The following ADGRB3 variants were observed in gnomAD, a reference collection of about 807,000 sequenced individuals.
The protein encoded by ADGRB3 is brain-specific angiogenesis inhibitor 3.
ADGRB3 carries 37 observed loss-of-function variants against 193.4 expected under a neutral mutation model. That is an observed-to-expected ratio of 0.19 (90% confidence interval 0.15 to 0.25). The LOEUF (loss-of-function observed/expected upper bound fraction) is 0.25, where lower values mean the gene tolerates loss of function less well. Among genes scored for constraint, ADGRB3 ranks in the 10% least tolerant of loss-of-function variants. ADGRB3 has a pLI of 1.00. For synonymous variants in ADGRB3, 690 were observed against 644.2 expected (o/e 1.07, Z -1.08); for missense variants, 1,637 against 1,852.9 (o/e 0.88, Z 2.14).
At chr6:68,770,204 A>G (rs1766590135) in intron 3 of ADGRB3, among the ~76,000 whole-genome samples, 1 of 152,108 alleles carries the variant, frequency 6.6e-6, no homozygotes, top group African/African-American at 2.4e-5. Context: ...GGCACTCTGG[A>G]AGGAATACAT....
At chr6:68,785,666 A>G (rs1374331581) in intron 3 of ADGRB3, among the ~76,000 whole-genome samples, 4 of 152,120 alleles carry the variant, frequency 2.6e-5, no homozygotes, top group Non-Finnish European at 5.9e-5. Context: ...CTTTGTGTAT[A>G]TACACAGTAA....
At chr6:69,052,943 T>C (rs1771442441) in intron 15 of ADGRB3, among the ~76,000 whole-genome samples, 1 of 152,176 alleles carries the variant, frequency 6.6e-6, no homozygotes. Context: ...CCCAGCACTT[T>C]GGGAGGCCGA....
chr6:69,004,008 CT>C (rs1246578381), intron 11 of ADGRB3, among the ~76,000 whole-genome samples: 3 of 152,138 alleles, frequency 2.0e-5, no homozygotes, highest in Non-Finnish European at 4.4e-5. Flanking sequence ...CATGAGACTG[CT>C]AGTTTTACCT....
chr6:68,908,320 A>T (rs970117797), intron 3 of ADGRB3, among the ~76,000 whole-genome samples: 2 of 152,046 alleles, frequency 1.3e-5, no homozygotes, highest in African/African-American at 4.8e-5. Context: ...CACAATGACT[A>T]CCTTGTCTCC....
rs554604568 is a variant in ADGRB3 at position 68,936,822 on chromosome 6, A to T, written c.1030+142A>T. 22 of 973,644 alleles carry T rather than the reference A, an allele frequency of 2.3e-5. No homozygotes were observed. The South Asian group carries it at 4.9e-4, about 22-fold the overall frequency. 60.3% of individuals were successfully genotyped at this position (973,644 alleles called of 1,614,324 possible). On this transcript the variant is annotated intron_variant, in intron 5 of 31. Coordinates refer to ENST00000370598, the MANE Select transcript of ADGRB3 (RefSeq NM_001704.3). ...AGTGTAATTATTATTCAACTGTAAT[A>T]TTTTAAGATGTCTGTGATTATTTCT...
intron 6 of ADGRB3, among the ~76,000 whole-genome samples, chr6:68,945,988 C>G (rs1767766124): frequency 1.3e-5 from 2 of 151,992 alleles, no homozygotes; most frequent in Non-Finnish European, 2.9e-5. Flanking sequence ...TGCATTATGA[C>G]TATATTATTT....
chr6:68,975,956 A>G (rs750368822), intron 10 of ADGRB3, among the ~76,000 whole-genome samples: 9 of 152,194 alleles, frequency 5.9e-5, no homozygotes, highest in Admixed American at 2.0e-4. Flanking sequence ...TTGGTATTTT[A>G]CAAGTACAAG....
At chr6:68,760,257 A>G (rs1174887423) in intron 3 of ADGRB3, among the ~76,000 whole-genome samples, 3 of 152,170 alleles carry the variant, frequency 2.0e-5, no homozygotes, top group Admixed American at 1.3e-4. Flanking sequence ...ACAAACACAT[A>G]CACATACACA....
chr6:69,086,390 T>C (rs753049225), intron 17 of ADGRB3, among the ~76,000 whole-genome samples: 1 of 152,084 alleles, frequency 6.6e-6, no homozygotes, highest in African/African-American at 2.4e-5. Flanking sequence ...TGGCAAGAAT[T>C]AGGCAAATTT....
intron 17 of ADGRB3, among the ~76,000 whole-genome samples, chr6:69,109,580 G>A (rs1051884981): frequency 1.3e-4 from 20 of 152,290 alleles, no homozygotes; most frequent in Admixed American, 1.1e-3. Flanking sequence ...TTACAAATGA[G>A]AAAATTAGCT....
intron 17 of ADGRB3, among the ~76,000 whole-genome samples, chr6:69,183,605 G>A (rs1348909446): frequency 6.6e-6 from 1 of 151,884 alleles, no homozygotes; most frequent in Non-Finnish European, 1.5e-5. Flanking sequence ...AGAACACATG[G>A]CCAGATTATT....
At chr6:69,328,007 G>A (rs1474146719) in intron 22 of ADGRB3, 118 bp downstream of exon 22, 6 of 775,350 alleles carry the variant, frequency 7.7e-6, no homozygotes, top group African/African-American at 1.8e-5. Context: ...GGTAGAAATT[G>A]CATTAGTAAG....
At chr6:68,785,097 T>C (rs950701093) in intron 3 of ADGRB3, among the ~76,000 whole-genome samples, 2 of 152,116 alleles carry the variant, frequency 1.3e-5, no homozygotes, top group South Asian at 4.1e-4. Context: ...AAAATAATTA[T>C]TTAGAATTAA....
intron 11 of ADGRB3, among the ~76,000 whole-genome samples, chr6:69,009,732 C>A (rs914273045): frequency 6.6e-6 from 1 of 152,052 alleles, no homozygotes; most frequent in South Asian, 2.1e-4. Flanking sequence ...TTCTTTTAAA[C>A]CTTCAGATCT....
intron 13 of ADGRB3, among the ~76,000 whole-genome samples, chr6:69,037,168 G>A (rs947374300): frequency 9.2e-5 from 14 of 152,148 alleles, no homozygotes; most frequent in African/African-American, 2.9e-4. Context: ...CAGATGTGTG[G>A]TTTGAATGTC....
At chr6:68,638,568 T>C in intron 2 of ADGRB3, 93 bp from the exon 3 acceptor site, 1 of 1,296,652 alleles carries the variant, frequency 7.7e-7, no homozygotes, top group Non-Finnish European at 1.0e-6. Context: ...TACTGAAATC[T>C]TGAAAACAGC....
chr6:68,914,649 A>C (rs949713415), intron 3 of ADGRB3, among the ~76,000 whole-genome samples: 6 of 152,166 alleles, frequency 3.9e-5, no homozygotes, highest in South Asian at 2.1e-4. Context: ...CAAGCAAAAT[A>C]ACCAGCTAAC....
intron 3 of ADGRB3, among the ~76,000 whole-genome samples, chr6:68,717,991 G>T (rs1765514614): frequency 6.6e-6 from 1 of 151,706 alleles, no homozygotes; most frequent in South Asian, 2.1e-4. Flanking sequence ...GAATGGGGAG[G>T]AACTTCTTGA....
At chr6:68,660,501 A>T (rs1365361832) in intron 3 of ADGRB3, among the ~76,000 whole-genome samples, 2 of 150,996 alleles carry the variant, frequency 1.3e-5, no homozygotes, top group Admixed American at 6.6e-5. Context: ...GAAGTTAATG[A>T]TGTGAATTCT....
Sources: gnomAD v4.1 joint callset for allele counts (sites outside exome capture counted in the v4.1 genomes callset) on GRCh38, gnomAD v4.1.1 for gene constraint, MANE v1.5 for transcripts, NCBI Gene and HGNC (gene_info 2026-07-23, HGNC 2026-07-21) for gene names.